ARHGEF3: variants seen among roughly 807,000 people sequenced by gnomAD.
ARHGEF3 encodes the protein 59.8 kDA protein.
Under a neutral mutation model 63.2 loss-of-function variants are expected in ARHGEF3, and 28 were observed. The observed-to-expected ratio is 0.44, with a 90% CI of 0.33 to 0.61. ARHGEF3 has a LOEUF of 0.61. ARHGEF3 is among the 20% of genes least tolerant of loss of function. The pLI, the probability that ARHGEF3 is intolerant of heterozygous loss-of-function variation, is 0.03. For synonymous variants in ARHGEF3, 266 were observed against 254.2 expected (o/e 1.05, Z -0.44); for missense variants, 533 against 659.3 (o/e 0.81, Z 2.10).
chr3:56,857,270 G>T (rs1237070984), intron 4 of ARHGEF3, among the ~76,000 whole-genome samples: 2 of 152,068 alleles, frequency 1.3e-5, no homozygotes, highest in African/African-American at 4.8e-5. Context: ...CCTCTTTAAG[G>T]AACTCCTATT....
At position 56,729,070 on chromosome 3, in the gene ARHGEF3, T is replaced by C. The variant is rs1356589834; in HGVS notation, c.*200A>G. ...ACTTGGGAAATACAACACAGGGTAATAGTTGCCACAGATTCCAGCTTACAC... is the reference window on the plus strand; with the variant it reads ...ACTTGGGAAATACAACACAGGGTAACAGTTGCCACAGATTCCAGCTTACAC... On this transcript the variant is annotated 3_prime_UTR_variant, in exon 10 of 10. Coordinates refer to ENST00000296315, the MANE Select transcript of ARHGEF3 (RefSeq NM_019555.3). 13 of 564,252 alleles carry C rather than the reference T, an allele frequency of 2.3e-5. No homozygotes were observed. The highest frequency in any genetic ancestry group is 3.1e-5 in the Non-Finnish European group (10 of 320,752). The allele number at this position is 564,252 out of a possible 1,614,324, so 35.0% of individuals were successfully genotyped here. A position where few individuals can be genotyped will look rare whatever the true frequency, so the allele number is the denominator to read the frequency against.
At chr3:56,879,603 C>T (rs1362424498) in intron 4 of ARHGEF3, among the ~76,000 whole-genome samples, 2 of 151,818 alleles carry the variant, frequency 1.3e-5, no homozygotes, top group African/African-American at 4.8e-5. Context: ...TATTACTTTC[C>T]CAAACCCTCG....
At position 56,821,962 on chromosome 3, in the gene ARHGEF3, C is replaced by CGAGAAGAGAAGAGAAGAGAAGAGAA. The variant is rs11278622; in HGVS notation, c.193-48171_193-48147dup. Reference sequence around the variant, plus strand: ...TGGACGACAGAGAAAGACTCTGTCTCGAGAAGAGAAGAGAAGAGAAGAGAA... The same window carrying CGAGAAGAGAAGAGAAGAGAAGAGAA: ...TGGACGACAGAGAAAGACTCTGTCTCGAGAAGAGAAGAGAAGAGAAGAGAAGAGAAGAGAAGAGAAGAGAAGAGAA... On this transcript the variant is annotated intron_variant, in intron 4 of 12. Transcript: ENST00000338458. Among the ~76,000 whole-genome samples the CGAGAAGAGAAGAGAAGAGAAGAGAA allele has an allele frequency of 7.4e-3, 882 of 118,880 alleles. 10 individuals carry two copies. The highest frequency in any genetic ancestry group is 0.011 in the Non-Finnish European group (630 of 57,548). The allele number at this position is 118,880 out of a possible 152,430, so 78.0% of individuals were successfully genotyped here.
chr3:56,905,857 A>G (rs2041668081), intron 3 of ARHGEF3, among the ~76,000 whole-genome samples: 1 of 152,144 alleles, frequency 6.6e-6, no homozygotes, highest in Non-Finnish European at 1.5e-5. Context: ...GGTACATGTG[A>G]CTGTTTAAAT....
chr3:57,034,299 TA>T (rs34080875), intron 2 of ARHGEF3, among the ~76,000 whole-genome samples: 17,215 of 139,052 alleles, frequency 0.12, 1,344 homozygotes, highest in Non-Finnish European at 0.17. Flanking sequence ...ACAAATGGCT[TA>T]AAAAAAAAAA....
intron 4 of ARHGEF3, among the ~76,000 whole-genome samples, chr3:56,867,073 C>A (rs1348336264): frequency 6.6e-6 from 1 of 152,170 alleles, no homozygotes; most frequent in African/African-American, 2.4e-5. Flanking sequence ...TTCAGGTAGA[C>A]CTTGATTTTC....
At chr3:56,811,315 A>T (rs1478939870) in intron 4 of ARHGEF3, among the ~76,000 whole-genome samples, 1 of 143,634 alleles carries the variant, frequency 7.0e-6, no homozygotes, top group Non-Finnish European at 1.5e-5. Context: ...AGAGCAGAGA[A>T]TGGGAGGAGG....
chr3:56,802,865 T>C (rs2037725383), upstream of ARHGEF3, among the ~76,000 whole-genome samples: 1 of 152,158 alleles, frequency 6.6e-6, no homozygotes, highest in South Asian at 2.1e-4. Flanking sequence ...TATCCATCAA[T>C]AGGGAGTGCT....
chr3:56,773,808 A>G lies in ARHGEF3; in HGVS notation c.105T>C (p.Ser35=). The G allele has an allele frequency of 6.3e-7, 1 of 1,596,676 alleles. No homozygotes were observed. Among genetic ancestry groups the G allele is most frequent in the South Asian group, 1.1e-5 (1 of 87,996 alleles). The change falls in exon 2 of 10, where the codon AGT becomes AGC. Residue 35 remains serine (S), a synonymous_variant. Coordinates refer to ENST00000296315, the MANE Select transcript of ARHGEF3 (RefSeq NM_019555.3). ...SGPAKDAEEP[S]NKRVKPLSRV... is the part of the protein sequence containing the mutation. ...GGGAAAGGGGTTTGACCCGTTTATTACTAGGCTCCTATAGAGTTAAAAAAA... is the reference window on the plus strand; with the variant it reads ...GGGAAAGGGGTTTGACCCGTTTATTGCTAGGCTCCTATAGAGTTAAAAAAA...
intron 4 of ARHGEF3, among the ~76,000 whole-genome samples, chr3:56,878,492 G>A (rs2040665029): frequency 1.3e-5 from 2 of 152,342 alleles, no homozygotes; most frequent in African/African-American, 4.8e-5. Context: ...TGACTCTCCA[G>A]TCAGAATTCA....
At chr3:56,941,168 T>C (rs1388730180) in intron 3 of ARHGEF3, 1 of 152,448 alleles carries the variant, frequency 6.6e-6, no homozygotes, top group African/African-American at 2.4e-5. Flanking sequence ...CAGCCCCTTC[T>C]GTGTACCCAG....
chr3:56,995,650 AGAGAGAGAGAGAGAGAGAGAG>A (rs1234283378), intron 2 of ARHGEF3, among the ~76,000 whole-genome samples: 8 of 126,286 alleles, frequency 6.3e-5, no homozygotes, highest in Non-Finnish European at 1.4e-4. Flanking sequence ...AGAGAGAGAG[AGAGAGAGAGAGAGAGAGAGAG>A]AATTTTTTTT....
At chr3:56,974,094 G>A (rs1479476571) in intron 2 of ARHGEF3, among the ~76,000 whole-genome samples, 1 of 152,016 alleles carries the variant, frequency 6.6e-6, no homozygotes, top group African/African-American at 2.4e-5. Flanking sequence ...TCCAATATAT[G>A]TATATATTGA....
chr3:56,844,498 G>T (rs76836824), intron 4 of ARHGEF3, among the ~76,000 whole-genome samples: 3,784 of 152,200 alleles, frequency 0.025, 114 homozygotes, highest in Non-Finnish European at 0.034. Context: ...TTCAGGTAAA[G>T]AAGATAATAT....
chr3:56,731,517 G>T (rs4681775), intron 9 of ARHGEF3: 43,224 of 148,204 alleles, frequency 0.29, 7,026 homozygotes, highest in South Asian at 0.49. Flanking sequence ...GGTAACAGAG[G>T]AAGACTCTGT....
At chr3:56,781,253 T>C (rs1427312294) in intron 1 of ARHGEF3, among the ~76,000 whole-genome samples, 2 of 151,652 alleles carry the variant, frequency 1.3e-5, no homozygotes, top group African/African-American at 4.8e-5. Flanking sequence ...CTTTTTTTTT[T>C]TTTTCTTTTT....
intron 2 of ARHGEF3, among the ~76,000 whole-genome samples, chr3:57,014,784 C>T (rs1016621472): frequency 6.6e-6 from 1 of 151,938 alleles, no homozygotes; most frequent in African/African-American, 2.4e-5. Flanking sequence ...AGGCTCAGGC[C>T]ATTGTCCTGC....
chr3:56,917,317 G>A (rs1048715352), intron 3 of ARHGEF3, among the ~76,000 whole-genome samples: 12 of 151,708 alleles, frequency 7.9e-5, no homozygotes, highest in Non-Finnish European at 1.5e-4. Flanking sequence ...ATTTATTTTA[G>A]TTATCTAATG....
intron 4 of ARHGEF3, among the ~76,000 whole-genome samples, chr3:56,823,945 C>A (rs1397523582): frequency 6.7e-6 from 1 of 149,452 alleles, no homozygotes; most frequent in Non-Finnish European, 1.5e-5. Flanking sequence ...AAGAGATTCC[C>A]CTTTAAAAAA....
Sources: allele counts gnomAD v4.1 joint callset (sites outside exome capture counted in the v4.1 genomes callset), GRCh38; gene constraint gnomAD v4.1.1; transcripts MANE v1.5; gene names NCBI Gene and HGNC (gene_info 2026-07-23, HGNC 2026-07-21).